Variants in SPATA24 observed in about 807,000 individuals in gnomAD.
The protein encoded by SPATA24 is spermatogenesis associated 24.
Under a neutral mutation model 28.9 loss-of-function variants are expected in SPATA24, and 21 were observed. The ratio of observed to expected loss-of-function variants is 0.73; its 90% CI spans 0.52 to 1.05. The LOEUF is 1.05. Ranked by LOEUF, SPATA24 falls within the 50% of genes least tolerant of loss-of-function variation. The probability of loss-of-function intolerance (pLI) is 0.00; values close to 1 mark genes in which losing one functional copy is unlikely to be tolerated. For missense variants in SPATA24, 215 were observed against 242.9 expected (o/e 0.88, Z 0.76); for synonymous variants, 76 against 89.9 (o/e 0.85, Z 0.88).
chr5:139,392,960 C>T (rs1238605213), downstream of SPATA24: 1 of 1,506,572 alleles, frequency 6.6e-7, no homozygotes, highest in Non-Finnish European at 8.9e-7. The surrounding 1 kb of genome is among the most constrained non-coding windows in gnomAD (Gnocchi z 5.8). Flanking sequence ...TGTGAGGCGT[C>T]CCGGGCGACC....
At chr5:139,399,917 C>T (rs4835654) in intron 4 of SPATA24, among the ~76,000 whole-genome samples, 73,020 of 152,100 alleles carry the variant, frequency 0.48, 20,133 homozygotes, top group African/African-American at 0.75. Flanking sequence ...AAGGAGGTCT[C>T]TGGCCCTACC....
intron 1 of SPATA24, among the ~76,000 whole-genome samples, chr5:139,403,072 G>GA (rs1758858573): frequency 1.3e-5 from 2 of 152,208 alleles, no homozygotes; most frequent in Admixed American, 1.3e-4. Context: ...CCAGAAGAGG[G>GA]ATAGAGAGAA....
downstream of SPATA24, chr5:139,393,099 G>C: frequency 6.6e-7 from 1 of 1,522,056 alleles, no homozygotes; most frequent in East Asian, 2.5e-5. Flanking sequence ...TCTTGGATTC[G>C]CCGCCCTCCT....
chr5:139,395,086 G>C (rs763015704), downstream of SPATA24: 72 of 1,398,646 alleles, frequency 5.1e-5, 2 homozygotes, highest in South Asian at 1.1e-3. Flanking sequence ...CAGCATGGTG[G>C]GGCCGGACGC....
rs1758717738 is a variant in SPATA24, at chr5:139,396,781, C to G, written c.*19G>C. Reference sequence around the variant, plus strand: ...GAGGCTGGGGATTACAGCCAGAGAACAGGAAAGCGGCGGCCATTTTATTTT... The same window carrying G: ...GAGGCTGGGGATTACAGCCAGAGAAGAGGAAAGCGGCGGCCATTTTATTTT... On this transcript the variant is annotated 3_prime_UTR_variant, in exon 6 of 6. Coordinates refer to ENST00000450845, the MANE Select transcript of SPATA24 (RefSeq NM_194296.2). 6.4e-7 allele frequency: 1 copy of G among 1,551,714 alleles called. No homozygotes were observed. The highest frequency in any genetic ancestry group is 8.7e-7 in the Non-Finnish European group (1 of 1,146,980).
chr5:139,395,061 C>T (rs936393075), downstream of SPATA24: 8 of 1,414,016 alleles, frequency 5.7e-6, no homozygotes, highest in African/African-American at 1.2e-4. Flanking sequence ...GCAGGGCTGG[C>T]GGGGCGAGCG....
downstream of SPATA24, chr5:139,394,116 C>T (rs1393538050): frequency 1.3e-6 from 2 of 1,547,898 alleles, no homozygotes; most frequent in Non-Finnish European, 1.7e-6. Context: ...CGCGCCGAAT[C>T]GCGCGCTCGC....
At chr5:139,401,724 C>A in intron 4 of SPATA24, 31 bp downstream of exon 4, 2 of 1,549,830 alleles carry the variant, frequency 1.3e-6, no homozygotes, top group Non-Finnish European at 1.7e-6. Flanking sequence ...GTTTATATAA[C>A]CGTGGTGGAG....
downstream of SPATA24, chr5:139,393,670 G>A (rs1344346221): frequency 1.3e-6 from 2 of 1,550,652 alleles, no homozygotes; most frequent in East Asian, 2.4e-5. Flanking sequence ...TTCGAGGGAC[G>A]GGCTCCTTTC....
In SPATA24 at chr5:139,402,678, C is replaced by T. The variant is rs1030628263; in HGVS notation, c.133G>A (p.Glu45Lys). ...QLRNVMVLQDENFVSKEEFQA... is the reference protein window; with the variant it reads ...QLRNVMVLQDKNFVSKEEFQA... ...AACTCTTCTTTACTGACAAAATTTT[C>T]GTCCTGGAGAACCATCTGCAACAGA... Residue 45 changes from glutamate (E) to lysine (K), a missense_variant, in exon 2 of 6, where the codon GAA becomes AAA. Physicochemically the swap from Glu to Lys is moderately conservative, Grantham distance 56. Coordinates refer to ENST00000450845, the MANE Select transcript of SPATA24 (RefSeq NM_194296.2). 3.2e-6 allele frequency: 5 copies of T among 1,551,862 alleles called. No homozygotes were observed. Among genetic ancestry groups the T allele is most frequent in the Non-Finnish European group, 4.4e-6 (5 of 1,146,988 alleles).
At chr5:139,396,755 A>G (rs1758716683), downstream of SPATA24, 2 of 1,551,532 alleles carry the variant, frequency 1.3e-6, no homozygotes, top group Non-Finnish European at 1.7e-6. Context: ...CAGAGAAGGC[A>G]GAGGCTGGGG....
chr5:139,402,528 C>A (rs1252680667), intron 2 of SPATA24, 100 bp downstream of exon 2: 15 of 1,105,760 alleles, frequency 1.4e-5, no homozygotes, highest in South Asian at 2.7e-5. Context: ...CAGTTGTGAG[C>A]CACTGCACCC....
At chr5:139,393,040 G>T (rs1357918197), downstream of SPATA24, 2 of 1,528,698 alleles carry the variant, frequency 1.3e-6, no homozygotes, top group Non-Finnish European at 1.8e-6. Context: ...GATGAAAACG[G>T]AAGTGTAGTG....
At chr5:139,396,369 C>A (rs1581398573), downstream of SPATA24, 2 of 985,452 alleles carry the variant, frequency 2.0e-6, no homozygotes, top group Non-Finnish European at 2.4e-6. Context: ...TTGTGAAGCT[C>A]CCGTTTGGGG....
chr5:139,392,944 T>C (rs758102302), downstream of SPATA24: 19 of 1,518,100 alleles, frequency 1.3e-5, no homozygotes, highest in Middle Eastern at 3.4e-4. The surrounding 1 kb of genome is among the most constrained non-coding windows in gnomAD (Gnocchi z 5.8). Context: ...CAGGACCCCG[T>C]TGGGCTGTGA....
chr5:139,393,144 A>T, downstream of SPATA24: 1 of 1,543,554 alleles, frequency 6.5e-7, no homozygotes, highest in Non-Finnish European at 8.8e-7. Flanking sequence ...CAGGCAGCCC[A>T]GAGCCTTGTG....
chr5:139,393,401 C>T (rs961737016), downstream of SPATA24: 8 of 1,551,574 alleles, frequency 5.2e-6, no homozygotes, highest in Non-Finnish European at 7.0e-6. Context: ...CTCTGCATCT[C>T]TGTTGGTTCT....
At chr5:139,393,499 C>T, downstream of SPATA24, 1 of 1,551,590 alleles carries the variant, frequency 6.4e-7, no homozygotes, top group Non-Finnish European at 8.7e-7. Context: ...TATCGATGAG[C>T]CCGGCCCCAT....
At chr5:139,398,045 C>T (rs188553947) in intron 4 of SPATA24, among the ~76,000 whole-genome samples, 2 of 152,316 alleles carry the variant, frequency 1.3e-5, no homozygotes, top group African/African-American at 4.8e-5. Flanking sequence ...ACCGAATGAA[C>T]GGGATGTCCC....
Sources: allele counts gnomAD v4.1 joint callset (sites outside exome capture counted in the v4.1 genomes callset), GRCh38; gene constraint gnomAD v4.1.1; non-coding constraint Gnocchi (gnomAD v3.1); transcripts MANE v1.5; gene names NCBI Gene and HGNC (gene_info 2026-07-23, HGNC 2026-07-21).